MYOF: variants seen among roughly 807,000 people sequenced by gnomAD.
MYOF encodes fer-1-like 3, myoferlin.
MYOF carries 244 observed loss-of-function variants against 284.2 expected under a neutral mutation model. The observed-to-expected ratio is 0.86, with a 90% CI of 0.77 to 0.95. MYOF has a LOEUF of 0.95. MYOF is among the 40% of genes least tolerant of loss of function. The pLI is 0.00. For missense variants in MYOF, 2,496 were observed against 2,560.6 expected, an observed-to-expected ratio of 0.97 and a Z score of 0.54; for synonymous variants, 904 against 919.7, an observed-to-expected ratio of 0.98 and a Z score of 0.31.
chr10:93,321,411 C>CT (rs1308486181), intron 48 of MYOF, among the ~76,000 whole-genome samples: 3 of 137,270 alleles, frequency 2.2e-5, no homozygotes, highest in African/African-American at 8.3e-5. Context: ...TGACTATTAA[C>CT]CTTTTTTTTT....
At chr10:93,419,530 A>G (rs1848269151) in intron 5 of MYOF, among the ~76,000 whole-genome samples, 1 of 152,180 alleles carries the variant, frequency 6.6e-6, no homozygotes, top group South Asian at 2.1e-4. Context: ...TCACTCACTC[A>G]TTCATTCACT....
At chr10:93,466,008 T>C (rs1380596578) in intron 1 of MYOF, among the ~76,000 whole-genome samples, 2 of 152,196 alleles carry the variant, frequency 1.3e-5, no homozygotes, top group Admixed American at 6.5e-5. Context: ...AGCTGGCATG[T>C]GAGCAGTGAC....
Position 93,335,927 on chromosome 10 carries a change from C to A in MYOF, c.4557G>T (p.Glu1519Asp). 1 of 1,614,064 alleles carries A rather than the reference C, an allele frequency of 6.2e-7. No homozygotes were observed. The highest frequency in any genetic ancestry group is 1.3e-5 in the African/African-American group (1 of 75,054). The stretch of plus-strand genomic sequence containing the variant: ...CAACACACATCTTACTCACCTTAAA[C>A]TCTCCAACCACAGAAGGATCTTCAT... ...DENEDPSVVG[E>D]FKGSFRIYPL... The change falls in exon 41 of 54, where the codon GAG becomes GAT. Residue 1519 changes from glutamate (E) to aspartate (D), a missense_variant. Physicochemically the swap from Glu to Asp is conservative, Grantham distance 45. This residue lies in a region of MYOF where 2,436 missense variants were observed against 2,480.7 expected (regional missense o/e 0.98). Coordinates refer to ENST00000359263, the MANE Select transcript of MYOF (RefSeq NM_013451.4).
At chr10:93,428,532 ATGC>A (rs1848697297) in intron 4 of MYOF, among the ~76,000 whole-genome samples, 1 of 148,668 alleles carries the variant, frequency 6.7e-6, no homozygotes, top group Non-Finnish European at 1.5e-5. Context: ...TACACATCCT[ATGC>A]TTTCATTTGC....
rs1401713148 is a variant in MYOF, at chr10:93,336,734, AAAGC to A, written c.4438-692_4438-689del. On this transcript the variant is annotated intron_variant, in intron 40 of 53. Transcript: ENST00000359263. ...GTATGTAAAATATTTCTCAATTTAA[AAAGC>A]AAGAAGGGAAGAGGATGAAGGAGGA... Among the ~76,000 whole-genome samples the A allele has an allele frequency of 3.3e-5, 5 of 152,046 alleles. No individual in the cohort carries two copies. The East Asian group carries it at 9.6e-4, about 29-fold the overall frequency.
intron 38 of MYOF, chr10:93,341,837 T>G: frequency 2.0e-6 from 2 of 993,578 alleles, no homozygotes; most frequent in Non-Finnish European, 2.7e-6. Context: ...TGGAAAGAGT[T>G]GTAAGAATAA....
intron 28 of MYOF, 104 bp from the exon 29 acceptor site, chr10:93,360,082 C>T (rs895588298): frequency 5.0e-6 from 7 of 1,392,980 alleles, no homozygotes; most frequent in Middle Eastern, 3.6e-4. Context: ...CTCAGATGTT[C>T]TGTACTATCA....
At chr10:93,383,228 G>C (rs1008646780) in intron 19 of MYOF, among the ~76,000 whole-genome samples, 1 of 151,234 alleles carries the variant, frequency 6.6e-6, no homozygotes, top group Non-Finnish European at 1.5e-5. Flanking sequence ...ACTGTTTTAA[G>C]AACTTCTGAC....
At chr10:93,421,706 C>A (rs538567590) in intron 5 of MYOF, among the ~76,000 whole-genome samples, 1 of 152,162 alleles carries the variant, frequency 6.6e-6, no homozygotes, top group Non-Finnish European at 1.5e-5. Context: ...GGCTCCCCTT[C>A]CCCTTCCCCC....
At position 93,402,354 on chromosome 10, in the gene MYOF, T is replaced by C. The variant is rs758239800; in HGVS notation, c.875-7A>G. ...TTTCTCATGACAGCATGGCCTAAAA[T>C]AGAGAAGGAGTAAAAGGAAATGGAC... On this transcript the variant is annotated splice_region_variant and splice_polypyrimidine_tract_variant and intron_variant, in intron 10 of 53. Coordinates refer to ENST00000359263, the MANE Select transcript of MYOF (RefSeq NM_013451.4). 17 of 1,604,932 alleles carry C rather than the reference T, an allele frequency of 1.1e-5. No individual in the cohort carries two copies. The South Asian group carries it at 1.1e-4, about 10-fold the overall frequency.
intron 48 of MYOF, among the ~76,000 whole-genome samples, chr10:93,321,152 C>G (rs1276480886): frequency 2.0e-5 from 3 of 152,084 alleles, no homozygotes; most frequent in Admixed American, 6.5e-5. Context: ...AACTGAGGTT[C>G]AGAGAGAATA....
intron 7 of MYOF, among the ~76,000 whole-genome samples, chr10:93,405,644 C>G (rs951296773): frequency 6.6e-6 from 1 of 152,116 alleles, no homozygotes; most frequent in Non-Finnish European, 1.5e-5. Context: ...TCCTCACTGT[C>G]GGATGCAAAT....
At chr10:93,402,493 TCTTC>T in intron 10 of MYOF, 146 bp from the exon 11 acceptor site, 1 of 661,000 alleles carries the variant, frequency 1.5e-6, no homozygotes, top group Non-Finnish European at 2.7e-6. Flanking sequence ...CACTTTCACG[TCTTC>T]TGTTTTGTAC....
chr10:93,470,250 C>CAAAGAAAG (rs56240524), intron 1 of MYOF, among the ~76,000 whole-genome samples: 220 of 145,340 alleles, frequency 1.5e-3, no homozygotes, highest in African/African-American at 3.7e-3. Flanking sequence ...AAGAAAGAAA[C>CAAAGAAAG]AAAGAAAGAA....
intron 25 of MYOF, among the ~76,000 whole-genome samples, chr10:93,368,258 C>A (rs1048691648): frequency 1.3e-5 from 2 of 152,214 alleles, no homozygotes; most frequent in African/African-American, 4.8e-5. Context: ...TCTATCTTCA[C>A]TAGCACCTCT....
chr10:93,456,610 C>T (rs1157918041), intron 2 of MYOF, among the ~76,000 whole-genome samples: 6 of 152,222 alleles, frequency 3.9e-5, no homozygotes, highest in African/African-American at 1.2e-4. Flanking sequence ...CAAGCTCACA[C>T]AGCAAGCTCG....
At chr10:93,470,901 A>G (rs2057131554) in intron 1 of MYOF, among the ~76,000 whole-genome samples, 1 of 152,166 alleles carries the variant, frequency 6.6e-6, no homozygotes, top group South Asian at 2.1e-4. Flanking sequence ...GCTGCTAAAC[A>G]TAGGAGGGAC....
intron 45 of MYOF, 55 bp from the exon 46 acceptor site, chr10:93,326,020 A>C: frequency 1.2e-6 from 2 of 1,609,094 alleles, no homozygotes; most frequent in Non-Finnish European, 1.7e-6. Flanking sequence ...TAGTTCAGCC[A>C]GATTGCCTAG....
rs764222335 is a variant in MYOF at position 93,381,367 on chromosome 10, C to G, written c.1728G>C (p.Leu576=). The G allele has an allele frequency of 6.2e-7, 1 of 1,614,212 alleles. No individual in the cohort carries two copies. The highest frequency in any genetic ancestry group is 1.1e-5 in the South Asian group (1 of 91,084). Residue 576 remains leucine, a synonymous_variant, in exon 20 of 54, where the codon CTG becomes CTC. Coordinates refer to ENST00000359263, the MANE Select transcript of MYOF (RefSeq NM_013451.4). ...EKYQRRRKYS[L]SAVFHSATML... Reference sequence around the variant, plus strand: ...TGGTGGCTGAATGAAACACGGCAGACAGGCTGTACTTCCGCCTTCGCTGGT... The same window carrying G: ...TGGTGGCTGAATGAAACACGGCAGAGAGGCTGTACTTCCGCCTTCGCTGGT...
Sources: allele counts gnomAD v4.1 joint callset (sites outside exome capture counted in the v4.1 genomes callset), GRCh38; gene constraint gnomAD v4.1.1; regional missense constraint gnomAD v4.1.1; transcripts MANE v1.5; gene names NCBI Gene and HGNC (gene_info 2026-07-23, HGNC 2026-07-21).